The following RGS7 variants were observed in gnomAD, a reference collection of about 807,000 sequenced individuals.
The protein encoded by RGS7 is regulator of G protein signaling 7.
In RGS7, 27 loss-of-function variants were observed where a neutral mutation model predicts 81.1. The ratio of observed to expected loss-of-function variants is 0.33; its 90% CI spans 0.25 to 0.46. RGS7 has a LOEUF of 0.46. RGS7 is among the 20% of genes least tolerant of loss of function. The pLI is 1.00. For missense variants in RGS7, 396 were observed against 607.4 expected, an observed-to-expected ratio of 0.65 and a Z score of 3.66; for synonymous variants, 208 against 207.7, an observed-to-expected ratio of 1.00 and a Z score of -0.01.
chr1:240,950,436 C>A (rs1237000226), intron 4 of RGS7, among the ~76,000 whole-genome samples: 3 of 152,190 alleles, frequency 2.0e-5, no homozygotes, highest in Non-Finnish European at 4.4e-5. Context: ...TAGACTTTGT[C>A]TCTCACCGAA....
chr1:240,865,795 T>C (rs1358942879), intron 9 of RGS7, among the ~76,000 whole-genome samples: 1 of 152,216 alleles, frequency 6.6e-6, no homozygotes, highest in African/African-American at 2.4e-5. Context: ...TGAGGGGGCC[T>C]AGTTACCTTA....
intron 3 of RGS7, among the ~76,000 whole-genome samples, chr1:241,062,895 T>C (rs2061821350): frequency 6.6e-6 from 1 of 152,212 alleles, no homozygotes. Flanking sequence ...TAACTCTTCC[T>C]TTCACAAGTG....
intron 9 of RGS7, among the ~76,000 whole-genome samples, chr1:240,832,109 A>G (rs1324960185): frequency 6.6e-6 from 1 of 152,240 alleles, no homozygotes; most frequent in Non-Finnish European, 1.5e-5. Flanking sequence ...AGGTACCACT[A>G]GCTGGCACCA....
intron 9 of RGS7, among the ~76,000 whole-genome samples, chr1:240,837,237 G>A (rs937255317): frequency 1.3e-5 from 2 of 152,158 alleles, no homozygotes; most frequent in African/African-American, 2.4e-5. Context: ...AAGGCCTGAG[G>A]CAAGTAAGCG....
chr1:240,949,614 A>G lies in RGS7; in HGVS notation c.227-12908T>C, dbSNP rs368144858. On this transcript the variant is annotated intron_variant, in intron 4 of 18. Transcript: ENST00000440928. ...TGTAATCCCAGCATTTTGGGAGGCC[A>G]AGGTGGGCAGATCACCCGAGGTCAG... Among the ~76,000 whole-genome samples, 20 of 152,204 alleles carry G rather than the reference A, an allele frequency of 1.3e-4. 1 individual carries two copies. The highest frequency in any genetic ancestry group is 4.1e-4 in the South Asian group (2 of 4,826).
chr1:241,069,688 G>A (rs890321412), intron 3 of RGS7, among the ~76,000 whole-genome samples: 1 of 152,080 alleles, frequency 6.6e-6, no homozygotes, highest in Non-Finnish European at 1.5e-5. Flanking sequence ...TTTAGTTTAT[G>A]TACAAAAATG....
rs773538402 is a variant in RGS7, at chr1:241,163,837, C to T, written c.79-65075G>A. On this transcript the variant is annotated intron_variant, in intron 2 of 18. Coordinates refer to ENST00000440928, the MANE Select transcript of RGS7 (RefSeq NM_001364886.1). This position sits in a 1 kb window ranked among gnomAD's most constrained non-coding sequence, Gnocchi z 4.6. ...CTCCTCACAACCCACACCTCACCAACAAGCAAGCCATCAATTTTGCAGCAG... is the reference window on the plus strand; with the variant it reads ...CTCCTCACAACCCACACCTCACCAATAAGCAAGCCATCAATTTTGCAGCAG... Among the ~76,000 whole-genome samples, 11 of 149,436 alleles carry T rather than the reference C, an allele frequency of 7.4e-5. No homozygotes were observed. The highest frequency in any genetic ancestry group is 1.6e-4 in the Non-Finnish European group (11 of 68,014).
At chr1:240,979,139 T>C (rs1040073634) in intron 4 of RGS7, among the ~76,000 whole-genome samples, 3 of 152,156 alleles carry the variant, frequency 2.0e-5, no homozygotes, top group Non-Finnish European at 4.4e-5. Context: ...TTCTGCCAAA[T>C]AATTAAAGGC....
chr1:241,173,512 C>T (rs763757129), intron 2 of RGS7, among the ~76,000 whole-genome samples: 18 of 152,128 alleles, frequency 1.2e-4, no homozygotes, highest in African/African-American at 3.4e-4. Context: ...CTGCCAAACA[C>T]GGTGGCTCAT....
At chr1:240,897,794 C>T (rs12747729) in intron 6 of RGS7, among the ~76,000 whole-genome samples, 19,385 of 152,074 alleles carry the variant, frequency 0.13, 1,329 homozygotes, top group Middle Eastern at 0.18. Context: ...ACGCTGGCCT[C>T]ATAAAATGAG....
At chr1:240,841,084 A>G (rs1054538563) in intron 9 of RGS7, among the ~76,000 whole-genome samples, 7 of 152,174 alleles carry the variant, frequency 4.6e-5, no homozygotes, top group Admixed American at 4.6e-4. Context: ...GTTAGCCTTA[A>G]AAGAAACATT....
chr1:241,070,850 C>T (rs926441502), intron 3 of RGS7, among the ~76,000 whole-genome samples: 1 of 152,130 alleles, frequency 6.6e-6, no homozygotes, highest in Non-Finnish European at 1.5e-5. Context: ...AAGAATCCAC[C>T]ATAAGAACAT....
At chr1:240,843,958 C>T (rs1490996981) in intron 9 of RGS7, among the ~76,000 whole-genome samples, 1 of 152,132 alleles carries the variant, frequency 6.6e-6, no homozygotes, top group African/African-American at 2.4e-5. Context: ...ATGCTGGTCC[C>T]GTCAGGGTTC....
chr1:241,330,236 G>A (rs1418071734), intron 2 of RGS7, among the ~76,000 whole-genome samples: 1 of 152,194 alleles, frequency 6.6e-6, no homozygotes. Flanking sequence ...ACCCCGCCCG[G>A]CCCTTGATGG....
At chr1:240,921,331 G>GA (rs34732495) in intron 6 of RGS7, among the ~76,000 whole-genome samples, 4 of 149,740 alleles carry the variant, frequency 2.7e-5, no homozygotes, top group East Asian at 2.0e-4. Flanking sequence ...TTCTCTTGAA[G>GA]AAAAAAAAAA....
Position 240,868,157 on chromosome 1 carries a change from A to AGAAAGAAAGAAC in RGS7, c.609+429_609+430insGTTCTTTCTTTC, listed in dbSNP as rs1351638316. ...AAGAAAGAAAGAAAGAAAGAAAGAAAGGACGGAGGGAGGGAAGGACGAAGG... is the reference window on the plus strand; with the variant it reads ...AAGAAAGAAAGAAAGAAAGAAAGAAAGAAAGAAAGAACGGACGGAGGGAGGGAAGGACGAAGG... On this transcript the variant is annotated intron_variant, in intron 9 of 18. Transcript: ENST00000440928. This position sits in a 1 kb window ranked among gnomAD's most constrained non-coding sequence, Gnocchi z 5.1. Among the ~76,000 whole-genome samples the AGAAAGAAAGAAC allele has an allele frequency of 1.1e-4, 16 of 150,612 alleles. No individual in the cohort carries two copies. The highest frequency in any genetic ancestry group is 2.1e-4 in the South Asian group (1 of 4,752).
At chr1:240,987,533 T>C (rs1220830476) in intron 3 of RGS7, among the ~76,000 whole-genome samples, 3 of 151,740 alleles carry the variant, frequency 2.0e-5, no homozygotes, top group African/African-American at 7.2e-5. Flanking sequence ...ATTCTTCTTT[T>C]TTTTTTTTTT....
rs533132068 is a variant in RGS7 at position 241,319,508 on chromosome 1, GAAAT to G, written c.78+36187_78+36190del. On this transcript the variant is annotated intron_variant, in intron 2 of 18. Coordinates refer to ENST00000440928, the MANE Select transcript of RGS7 (RefSeq NM_001364886.1). ...GATTGTGAAATACTCCTGGGATAGA[GAAAT>G]AAAATTTTATTAAAAATATTATTAT... Among the ~76,000 whole-genome samples the G allele has an allele frequency of 1.2e-4, 19 of 152,138 alleles. No individual in the cohort carries two copies. In the East Asian group the frequency reaches 3.5e-3, roughly 28 times the overall value.
chr1:241,191,130 C>T (rs7537575), intron 2 of RGS7, among the ~76,000 whole-genome samples: 28,501 of 151,904 alleles, frequency 0.19, 3,307 homozygotes, highest in Admixed American at 0.27. Flanking sequence ...TACAGGTGCA[C>T]GCCACCACAT....
Sources: allele counts gnomAD v4.1 joint callset (sites outside exome capture counted in the v4.1 genomes callset), GRCh38; gene constraint gnomAD v4.1.1; non-coding constraint Gnocchi (gnomAD v3.1); transcripts MANE v1.5; gene names NCBI Gene and HGNC (gene_info 2026-07-23, HGNC 2026-07-21).